Variants in SUMF1 observed in about 807,000 individuals in gnomAD.
SUMF1 encodes the protein formylglycine-generating enzyme.
SUMF1 carries 48 observed loss-of-function variants against 47.6 expected under a neutral mutation model. That is an observed-to-expected ratio of 1.01 (90% CI 0.80 to 1.28). SUMF1 has a LOEUF of 1.28. SUMF1 is among the 50% of genes most tolerant of loss of function. SUMF1 has a pLI of 0.00. For missense variants in SUMF1, 571 were observed against 485.4 expected (o/e 1.18, Z -1.66); for synonymous variants, 230 against 192.1 (o/e 1.20, Z -1.63).
chr3:4,094,386 A>T (rs1213093796), intron 8 of SUMF1, among the ~76,000 whole-genome samples: 1 of 152,062 alleles, frequency 6.6e-6, no homozygotes, highest in African/African-American at 2.4e-5. Context: ...GAGAAATGGA[A>T]GGTACCCAAG....
chr3:4,418,105 G>A lies in SUMF1; in HGVS notation c.630C>T (p.Ser210=), dbSNP rs1328437287. 1 of 1,614,062 alleles carries A rather than the reference G, an allele frequency of 6.2e-7. No homozygotes were observed. The highest frequency in any genetic ancestry group is 1.3e-5 in the African/African-American group (1 of 75,038). The change falls in exon 5 of 9, where the codon TCC becomes TCT. Residue 210 remains serine (S), a synonymous_variant. Coordinates refer to ENST00000272902, the MANE Select transcript of SUMF1 (RefSeq NM_182760.4). ...HRPDHPVLHV[S]WNDAVAYCTW... ...TGCAGTAGGCAACCGCATCATTCCA[G>A]GACACATGGAGAACTGGATGATCCG...
chr3:4,116,627 T>C (rs892863548), intron 8 of SUMF1, among the ~76,000 whole-genome samples: 1 of 152,118 alleles, frequency 6.6e-6, no homozygotes, highest in Non-Finnish European at 1.5e-5. Context: ...GTTTCTTTCC[T>C]TTTTATCCTT....
At chr3:4,173,986 C>T (rs1039713630) in intron 8 of SUMF1, among the ~76,000 whole-genome samples, 10 of 152,072 alleles carry the variant, frequency 6.6e-5, no homozygotes, top group Non-Finnish European at 1.2e-4. Context: ...ATGTAACAAA[C>T]CTGCACATTC....
chr3:4,464,434 G>C (rs1410308815), intron 1 of SUMF1, among the ~76,000 whole-genome samples: 1 of 152,038 alleles, frequency 6.6e-6, no homozygotes, highest in Non-Finnish European at 1.5e-5. Context: ...GTGTGTGTGA[G>C]AGAGAGAGAA....
At chr3:4,464,953 A>G (rs985187874) in intron 1 of SUMF1, among the ~76,000 whole-genome samples, 2 of 152,112 alleles carry the variant, frequency 1.3e-5, no homozygotes, top group African/African-American at 4.8e-5. Context: ...ACACAAAACC[A>G]CTCTATAGGG....
intron 8 of SUMF1, among the ~76,000 whole-genome samples, chr3:4,236,984 A>G (rs79373360): frequency 0.013 from 1,949 of 152,258 alleles, 52 homozygotes; most frequent in African/African-American, 0.045. Context: ...TATAATAGAA[A>G]TTATACTGTA....
chr3:4,210,545 G>C (rs767961141), intron 8 of SUMF1, among the ~76,000 whole-genome samples: 2 of 152,104 alleles, frequency 1.3e-5, no homozygotes, highest in Non-Finnish European at 2.9e-5. Flanking sequence ...CCCATAAATG[G>C]TGCTGGATCA....
chr3:4,081,247 AT>A (rs1692554048), intron 8 of SUMF1, among the ~76,000 whole-genome samples: 1 of 152,034 alleles, frequency 6.6e-6, no homozygotes, highest in South Asian at 2.1e-4. Flanking sequence ...CCAGAACCCA[AT>A]TTTTCTAAAC....
At chr3:4,051,273 T>C (rs1695106690) in intron 9 of SUMF1, among the ~76,000 whole-genome samples, 1 of 151,952 alleles carries the variant, frequency 6.6e-6, no homozygotes, top group African/African-American at 2.4e-5. Flanking sequence ...TTCTGCTTTA[T>C]TTCCTATCTC....
chr3:4,078,070 C>T (rs573986022), intron 8 of SUMF1, among the ~76,000 whole-genome samples: 3 of 152,162 alleles, frequency 2.0e-5, no homozygotes, highest in Admixed American at 6.6e-5. Context: ...TTGGCAAGAG[C>T]GCAGCTTCCC....
At chr3:4,454,861 C>G (rs1438403348) in intron 1 of SUMF1, among the ~76,000 whole-genome samples, 1 of 152,062 alleles carries the variant, frequency 6.6e-6, no homozygotes, top group East Asian at 1.9e-4. Flanking sequence ...ATGAAATGTC[C>G]AGAATAGGCA....
At chr3:4,329,859 A>T (rs1417937996) in intron 8 of SUMF1, among the ~76,000 whole-genome samples, 1 of 152,038 alleles carries the variant, frequency 6.6e-6, no homozygotes, top group Non-Finnish European at 1.5e-5. Context: ...TCCAAACCAT[A>T]ATTTTGTGAA....
At chr3:4,048,231 T>G (rs1343966189) in intron 9 of SUMF1, among the ~76,000 whole-genome samples, 1 of 152,162 alleles carries the variant, frequency 6.6e-6, no homozygotes, top group Non-Finnish European at 1.5e-5. Flanking sequence ...AGACCCATAC[T>G]CGCCATCAGC....
At chr3:4,237,583 C>A (rs1356835876) in intron 8 of SUMF1, among the ~76,000 whole-genome samples, 1 of 152,020 alleles carries the variant, frequency 6.6e-6, no homozygotes, top group Non-Finnish European at 1.5e-5. Context: ...TGTCACTTAT[C>A]ATTCTCTTGA....
Position 4,313,073 on chromosome 3 carries a change from A to G in SUMF1, c.1014+63257T>C, listed in dbSNP as rs777852677. The G allele has an allele frequency of 4.3e-6, 7 of 1,613,848 alleles. No individual in the cohort carries two copies. In the South Asian group the frequency reaches 5.5e-5, roughly 13 times the overall value. On this transcript the variant is annotated intron_variant and NMD_transcript_variant, in intron 8 of 12. Transcript: ENST00000448413. ...AGAGATATAGGATCTGGAGGAAAGT[A>G]TGCAGAGCCTGTTTTTGAATGCAAT...
chr3:4,354,884 G>C (rs1187065749), intron 8 of SUMF1, among the ~76,000 whole-genome samples: 1 of 152,056 alleles, frequency 6.6e-6, no homozygotes, highest in Non-Finnish European at 1.5e-5. Context: ...CTTTATTTTT[G>C]CATTTTCTCA....
chr3:4,113,712 G>GA (rs917445890), intron 8 of SUMF1, among the ~76,000 whole-genome samples: 1 of 151,864 alleles, frequency 6.6e-6, no homozygotes, highest in Non-Finnish European at 1.5e-5. Flanking sequence ...TTAACAACAG[G>GA]AAAAAACTCA....
At chr3:4,048,840 A>G (rs73806840) in intron 9 of SUMF1, among the ~76,000 whole-genome samples, 13,806 of 152,080 alleles carry the variant, frequency 0.091, 749 homozygotes, top group Middle Eastern at 0.16. Flanking sequence ...CAGGTTACCA[A>G]CCTAATTTAT....
chr3:4,177,407 A>G (rs1694990636), intron 8 of SUMF1, among the ~76,000 whole-genome samples: 1 of 152,186 alleles, frequency 6.6e-6, no homozygotes, highest in South Asian at 2.1e-4. Flanking sequence ...GCACAACTAC[A>G]TGGAAATTGA....
Sources: allele counts gnomAD v4.1 joint callset (sites outside exome capture counted in the v4.1 genomes callset), GRCh38; gene constraint gnomAD v4.1.1; transcripts MANE v1.5; gene names NCBI Gene and HGNC (gene_info 2026-07-23, HGNC 2026-07-21).